AP1AR: variants seen among roughly 807,000 people sequenced by gnomAD.
AP1AR encodes AP-1 complex-associated regulatory protein.
A neutral mutation model predicts 46.3 loss-of-function variants in AP1AR; 29 were observed. The observed-to-expected ratio is 0.63, with a 90% confidence interval of 0.47 to 0.85. The LOEUF (loss-of-function observed/expected upper bound fraction) is 0.85, where lower values mean the gene tolerates loss of function less well. Ranked by LOEUF, AP1AR falls within the 40% of genes least tolerant of loss-of-function variation. The pLI is 0.00. For synonymous variants in AP1AR, 122 were observed against 122.9 expected, an observed-to-expected ratio of 0.99 and a Z score of 0.05; for missense variants, 357 against 356.3, an observed-to-expected ratio of 1.00 and a Z score of -0.02.
intron 1 of AP1AR, among the ~76,000 whole-genome samples, chr4:112,237,232 G>A (rs947335381): frequency 7.9e-5 from 12 of 151,878 alleles, no homozygotes; most frequent in African/African-American, 2.9e-4. Context: ...TCAGCATCCC[G>A]AGTAGCTGGG....
chr4:112,258,852 A>G (rs2110486221), intron 4 of AP1AR, among the ~76,000 whole-genome samples: 2 of 152,294 alleles, frequency 1.3e-5, no homozygotes, highest in Middle Eastern at 6.8e-3. Flanking sequence ...TTAAAGCCCT[A>G]ATATATAACT....
At chr4:112,253,573 G>C (rs998093030) in intron 2 of AP1AR, among the ~76,000 whole-genome samples, 1 of 152,162 alleles carries the variant, frequency 6.6e-6, no homozygotes, top group Non-Finnish European at 1.5e-5. Context: ...CCCAGCAGGG[G>C]GGAGTCCAGA....
At chr4:112,240,263 C>G (rs1725431889) in intron 1 of AP1AR, among the ~76,000 whole-genome samples, 1 of 152,046 alleles carries the variant, frequency 6.6e-6, no homozygotes, top group South Asian at 2.1e-4. Flanking sequence ...TTCCTTTTTA[C>G]TTAGATGACT....
chr4:112,242,484 A>G (rs1261889539), intron 1 of AP1AR, among the ~76,000 whole-genome samples: 1 of 152,008 alleles, frequency 6.6e-6, no homozygotes, highest in Non-Finnish European at 1.5e-5. Context: ...CACAATTTTG[A>G]TGTCTGGAAA....
rs769949052 is a variant in AP1AR, at chr4:112,265,719, T to A, written c.441-15T>A. 1.3e-5 allele frequency: 21 copies of A among 1,590,436 alleles called. No individual in the cohort carries two copies. Among genetic ancestry groups the A allele is most frequent in the Admixed American group, 1.0e-4 (6 of 57,270 alleles). On this transcript the variant is annotated splice_polypyrimidine_tract_variant and intron_variant, in intron 7 of 9. Transcript: ENST00000274000. ...ACCATGAATATATTAAAAAATTATT[T>A]CACTTTTATTACAGTTCAGGACCAG...
intron 1 of AP1AR, 116 bp downstream of exon 1, chr4:112,232,290 A>G (rs1339525436): frequency 1.6e-5 from 14 of 876,354 alleles, no homozygotes; most frequent in Non-Finnish European, 2.0e-5. Context: ...GCCCTGCTAC[A>G]CTCACTGCTT....
intron 9 of AP1AR, among the ~76,000 whole-genome samples, chr4:112,267,093 G>A (rs895602851): frequency 2.0e-5 from 3 of 151,732 alleles, no homozygotes; most frequent in African/African-American, 7.3e-5. Flanking sequence ...GATCTACAAA[G>A]TTATATTAGT....
chr4:112,248,644 A>G (rs1725821546), intron 1 of AP1AR, among the ~76,000 whole-genome samples: 2 of 152,212 alleles, frequency 1.3e-5, no homozygotes, highest in African/African-American at 4.8e-5. Flanking sequence ...GAAAAGGTTC[A>G]TGATAAAAGT....
chr4:112,255,191 C>A (rs1726132998), intron 3 of AP1AR, among the ~76,000 whole-genome samples: 2 of 152,128 alleles, frequency 1.3e-5, no homozygotes, highest in Admixed American at 1.3e-4. Flanking sequence ...GATCTCCTGA[C>A]CTCGTGATCC....
At position 112,268,630 on chromosome 4, in the gene AP1AR, T is replaced by C. The variant is rs1295337017; in HGVS notation, c.*221T>C. The C allele has an allele frequency of 2.3e-5, 9 of 396,224 alleles. No homozygotes were observed. The South Asian group carries it at 7.0e-4, about 31-fold the overall frequency. The allele number at this position is 396,224 out of a possible 1,614,324, so 24.5% of individuals were successfully genotyped here. On this transcript the variant is annotated 3_prime_UTR_variant, in exon 10 of 10. Coordinates refer to ENST00000274000, the MANE Select transcript of AP1AR (RefSeq NM_018569.6). ...CTTCTGCTTTTCAAGACCAATTTAA[T>C]GGTCCTGTCATGTTACTGATTAAAT...
At chr4:112,242,761 C>A (rs898523879) in intron 1 of AP1AR, among the ~76,000 whole-genome samples, 1 of 152,172 alleles carries the variant, frequency 6.6e-6, no homozygotes, top group Non-Finnish European at 1.5e-5. Flanking sequence ...GATCAAATTT[C>A]AACATGAGAT....
At chr4:112,267,680 C>T (rs1345254403) in intron 9 of AP1AR, among the ~76,000 whole-genome samples, 1 of 151,926 alleles carries the variant, frequency 6.6e-6, no homozygotes. Context: ...GGGATTAAAT[C>T]AGTTCATATC....
rs1421283207 is a variant in AP1AR, at chr4:112,268,340, T to G, written c.840T>G (p.Phe280Leu). Residue 280 changes from phenylalanine to leucine, a missense_variant, in exon 10 of 10, where the codon TTT becomes TTG. Coordinates refer to ENST00000274000, the MANE Select transcript of AP1AR (RefSeq NM_018569.6). ...ATGGAAATTCCGAGTATTCTGGATT[T>G]GTAAATCCTGTATTAGAACTGTCTG... ...DDNGNSEYSGFVNPVLELSDS... is the reference protein window; with the variant it reads ...DDNGNSEYSGLVNPVLELSDS... 11 of 1,612,830 alleles carry G rather than the reference T, an allele frequency of 6.8e-6. No homozygotes were observed. The South Asian group carries it at 1.2e-4, about 18-fold the overall frequency.
At chr4:112,240,574 A>G (rs752527696) in intron 1 of AP1AR, among the ~76,000 whole-genome samples, 1 of 152,268 alleles carries the variant, frequency 6.6e-6, no homozygotes, top group Non-Finnish European at 1.5e-5. Flanking sequence ...ACTTGTTGGC[A>G]GAATTAATGA....
intron 7 of AP1AR, 36 bp from the exon 8 acceptor site, chr4:112,265,698 T>C (rs1359796929): frequency 1.3e-6 from 2 of 1,505,202 alleles, no homozygotes; most frequent in South Asian, 2.3e-5. Context: ...GCAGCTACCA[T>C]GAATATATTA....
intron 1 of AP1AR, among the ~76,000 whole-genome samples, chr4:112,244,587 A>T (rs1725644424): frequency 6.6e-6 from 1 of 152,170 alleles, no homozygotes; most frequent in Non-Finnish European, 1.5e-5. Context: ...TAAATGTAAA[A>T]TGCCTAGTTC....
At chr4:112,266,351 T>C (rs1560614460) in intron 8 of AP1AR, among the ~76,000 whole-genome samples, 1 of 151,870 alleles carries the variant, frequency 6.6e-6, no homozygotes, top group East Asian at 1.9e-4. Flanking sequence ...TTGAAAAGTT[T>C]ATAATCATTT....
intron 1 of AP1AR, among the ~76,000 whole-genome samples, chr4:112,251,378 A>G (rs1725955518): frequency 6.6e-6 from 1 of 152,260 alleles, no homozygotes; most frequent in African/African-American, 2.4e-5. Flanking sequence ...ATCTATGTAT[A>G]ATTAGACTAG....
At position 112,260,877 on chromosome 4, in the gene AP1AR, A is replaced by G; in HGVS notation, c.282+15A>G. 6.8e-7 allele frequency: 1 copy of G among 1,462,882 alleles called. No homozygotes were observed. The highest frequency in any genetic ancestry group is 9.4e-7 in the Non-Finnish European group (1 of 1,058,292). 90.6% of individuals were successfully genotyped at this position (1,462,882 alleles called of 1,614,324 possible). A position where few individuals can be genotyped will look rare whatever the true frequency, so the allele number is the denominator to read the frequency against. On this transcript the variant is annotated intron_variant, in intron 5 of 9. Transcript: ENST00000274000. ...TTCAAAAAGAGGTAAATTGTCTTTTATATTGCTTAAGTACATGTTATCATA... is the reference window on the plus strand; with the variant it reads ...TTCAAAAAGAGGTAAATTGTCTTTTGTATTGCTTAAGTACATGTTATCATA...
Sources: allele counts gnomAD v4.1 joint callset (sites outside exome capture counted in the v4.1 genomes callset), GRCh38; gene constraint gnomAD v4.1.1; transcripts MANE v1.5; gene names NCBI Gene and HGNC (gene_info 2026-07-23, HGNC 2026-07-21).